Variants in NRG2 observed in about 807,000 individuals in gnomAD.
The protein encoded by NRG2 is pro-neuregulin-2, membrane-bound isoform.
NRG2 carries 27 observed loss-of-function variants against 73.9 expected under a neutral mutation model. That is an observed-to-expected ratio of 0.37 (90% CI 0.27 to 0.50). The LOEUF (loss-of-function observed/expected upper bound fraction) is 0.50, where lower values mean the gene tolerates loss of function less well. Among genes scored for constraint, NRG2 ranks in the 20% least tolerant of loss-of-function variants. The probability of loss-of-function intolerance (pLI) is 0.96; values close to 1 mark genes in which losing one functional copy is unlikely to be tolerated. For missense variants in NRG2, 1,126 were observed against 1,210.1 expected (o/e 0.93, Z 1.03); for synonymous variants, 532 against 541.0 (o/e 0.98, Z 0.23).
intron 1 of NRG2, among the ~76,000 whole-genome samples, chr5:139,960,535 A>AT (rs1197233468): frequency 2.0e-5 from 3 of 152,144 alleles, no homozygotes; most frequent in African/African-American, 7.2e-5. Context: ...AACAAAAAAA[A>AT]TTATGGCATC....
chr5:139,921,252 T>C (rs942461082), intron 1 of NRG2, among the ~76,000 whole-genome samples: 1 of 152,244 alleles, frequency 6.6e-6, no homozygotes, highest in Non-Finnish European at 1.5e-5. Context: ...ATAAACGTAT[T>C]CTAAAGTTTA....
intron 1 of NRG2, among the ~76,000 whole-genome samples, chr5:139,936,099 G>A (rs2126398033): frequency 6.6e-6 from 1 of 151,974 alleles, no homozygotes; most frequent in East Asian, 1.9e-4. Flanking sequence ...TTCAATCAGT[G>A]AAATAAGCTC....
intron 1 of NRG2, among the ~76,000 whole-genome samples, chr5:139,929,934 T>A (rs1460268731): frequency 1.3e-5 from 2 of 152,150 alleles, no homozygotes; most frequent in Non-Finnish European, 2.9e-5. Context: ...TAGGATAGCA[T>A]CCCCCAAAGT....
intron 1 of NRG2, among the ~76,000 whole-genome samples, chr5:139,913,267 G>T (rs936895182): frequency 1.6e-4 from 25 of 152,136 alleles, no homozygotes; most frequent in South Asian, 2.1e-4. Flanking sequence ...ACTCACCCCT[G>T]TATCCGTTTC....
At chr5:139,966,787 C>A (rs565346621) in intron 1 of NRG2, among the ~76,000 whole-genome samples, 2 of 152,148 alleles carry the variant, frequency 1.3e-5, no homozygotes, top group Admixed American at 1.3e-4. Context: ...TGATGGGCTA[C>A]AAACAGAAAG....
chr5:139,915,150 C>G lies in NRG2; in HGVS notation c.701-27639G>C, dbSNP rs1751155158. On this transcript the variant is annotated intron_variant, in intron 1 of 9. Coordinates refer to ENST00000361474, the MANE Select transcript of NRG2 (RefSeq NM_004883.3). The surrounding 1 kb of genome is among the most constrained non-coding windows in gnomAD (Gnocchi z 4.0). ...TCCCATTAAGCTTCTTTCAGACAAA[C>G]CGGCTTAATGTAATTACGGAAATGG... Among the ~76,000 whole-genome samples, 1 of 152,204 alleles carries G rather than the reference C, an allele frequency of 6.6e-6. No homozygotes were observed. Among genetic ancestry groups the G allele is most frequent in the African/African-American group, 2.4e-5 (1 of 41,446 alleles).
chr5:139,874,565 T>C (rs1763056880), intron 3 of NRG2, among the ~76,000 whole-genome samples: 1 of 152,236 alleles, frequency 6.6e-6, no homozygotes, highest in Admixed American at 6.5e-5. Flanking sequence ...ATTGTCTCTT[T>C]CTTTGATGGC....
At chr5:139,888,771 C>T (rs370856571) in intron 1 of NRG2, among the ~76,000 whole-genome samples, 2 of 151,868 alleles carry the variant, frequency 1.3e-5, no homozygotes, top group Admixed American at 6.6e-5. Context: ...CAATGATTCT[C>T]GTAAAATAAT....
chr5:139,871,794 C>T lies in NRG2; in HGVS notation c.1039G>A (p.Glu347Lys), dbSNP rs762781144. The T allele has an allele frequency of 1.1e-5, 17 of 1,614,026 alleles. No homozygotes were observed. The highest frequency in any genetic ancestry group is 2.7e-5 in the African/African-American group (2 of 74,930). Reference sequence around the variant, plus strand: ...TTGACGCAATAGGACTTGGCTGTCTCGTTGCACTTCCGGGCGTGCCCCGAC... The same window carrying T: ...TTGACGCAATAGGACTTGGCTGTCTTGTTGCACTTCCGGGCGTGCCCCGAC... The part of the protein sequence containing the change: ...SWSGHARKCN[E>K]TAKSYCVNGG... The change falls in exon 4 of 10, where the codon GAG (glutamate) becomes AAG (lysine). Residue 347 changes from glutamate (E) to lysine (K), a missense_variant. Glu to Lys is a moderately conservative substitution (Grantham distance 56). This residue lies in a region of NRG2 where 539 missense variants were observed against 703.2 expected (regional missense o/e 0.77). Coordinates refer to ENST00000361474, the MANE Select transcript of NRG2 (RefSeq NM_004883.3).
intron 1 of NRG2, among the ~76,000 whole-genome samples, chr5:139,917,121 G>T (rs1276649385): frequency 6.6e-6 from 1 of 152,172 alleles, no homozygotes; most frequent in African/African-American, 2.4e-5. Context: ...CAATGGATGT[G>T]AAATGGTATC....
intron 3 of NRG2, among the ~76,000 whole-genome samples, chr5:139,872,578 G>A (rs1442169765): frequency 6.6e-6 from 1 of 152,116 alleles, no homozygotes; most frequent in Non-Finnish European, 1.5e-5. Flanking sequence ...GGAGCCTCCA[G>A]GTCTCGGACA....
Position 139,873,876 on chromosome 5 carries a change from A to G in NRG2, c.992-2035T>C, listed in dbSNP as rs144989706. Among the ~76,000 whole-genome samples, 564 of 152,362 alleles carry G rather than the reference A, an allele frequency of 3.7e-3. 7 individuals carry two copies. Among genetic ancestry groups the G allele is most frequent in the African/African-American group, 0.013 (545 of 41,590 alleles). ...ATCGAGGCTTTGGGAGGCTAAGGAC[A>G]ACTCCTGAGGAAAGATGGGGCCTCC... On this transcript the variant is annotated intron_variant, in intron 3 of 9. Transcript: ENST00000361474.
rs946531358 is a variant in NRG2, at chr5:139,904,037, C to A, written c.701-16526G>T. On this transcript the variant is annotated intron_variant, in intron 1 of 9. Transcript: ENST00000361474. The surrounding 1 kb of genome is among the most constrained non-coding windows in gnomAD (Gnocchi z 6.0). ...GGGCTGCTCGCCTGCAGGCCGGTACCGGCGTGCAGCGCCTCTTGCCCGCCC... is the reference window on the plus strand; with the variant it reads ...GGGCTGCTCGCCTGCAGGCCGGTACAGGCGTGCAGCGCCTCTTGCCCGCCC... Among the ~76,000 whole-genome samples, 3 of 152,310 alleles carry A rather than the reference C, an allele frequency of 2.0e-5. No individual in the cohort carries two copies. Among genetic ancestry groups the A allele is most frequent in the Admixed American group, 1.3e-4 (2 of 15,310 alleles).
At chr5:139,861,893 A>G (rs1762169516) in intron 5 of NRG2, 1 of 444,004 alleles carries the variant, frequency 2.3e-6, no homozygotes, top group Non-Finnish European at 4.6e-6. Flanking sequence ...TGACCACAAC[A>G]CCTGGGACGC....
At position 139,887,015 on chromosome 5, in the gene NRG2, T is replaced by C. The variant is rs1192829409; in HGVS notation, c.872+325A>G. On this transcript the variant is annotated intron_variant, in intron 2 of 9. Transcript: ENST00000361474. This position sits in a 1 kb window ranked among gnomAD's most constrained non-coding sequence, Gnocchi z 4.5. ...TGGGGCTTTCAGACGCTACAGCAGG[T>C]TTTTCAAGAAGTTTTAGAGATGAGC... Among the ~76,000 whole-genome samples, 1 of 152,036 alleles carries C rather than the reference T, an allele frequency of 6.6e-6. No individual in the cohort carries two copies. The highest frequency in any genetic ancestry group is 2.4e-5 in the African/African-American group (1 of 41,370).
intron 1 of NRG2, among the ~76,000 whole-genome samples, chr5:140,028,924 T>C (rs193161960): frequency 5.9e-5 from 9 of 152,258 alleles, no homozygotes; most frequent in Admixed American, 5.9e-4. Flanking sequence ...CATGGTACTG[T>C]GAGGAAACCC....
chr5:139,881,349 G>A (rs1033491050), intron 2 of NRG2, among the ~76,000 whole-genome samples: 1 of 152,140 alleles, frequency 6.6e-6, no homozygotes, highest in African/African-American at 2.4e-5. Flanking sequence ...GCCTCTCCTG[G>A]GAAGTGGCAA....
At chr5:139,909,949 A>G (rs1765474966) in intron 1 of NRG2, among the ~76,000 whole-genome samples, 1 of 152,152 alleles carries the variant, frequency 6.6e-6, no homozygotes, top group Admixed American at 6.5e-5. Context: ...GTAAGCCGCA[A>G]TGGGTTTCTT....
chr5:140,043,158 A>G lies in NRG2; in HGVS notation c.-89T>C. 6.9e-7 allele frequency: 1 copy of G among 1,455,798 alleles called. No individual in the cohort carries two copies. The highest frequency in any genetic ancestry group is 9.2e-7 in the Non-Finnish European group (1 of 1,086,000). The allele number at this position is 1,455,798 out of a possible 1,614,324, so 90.2% of individuals were successfully genotyped here. A position where few individuals can be genotyped will look rare whatever the true frequency, so the allele number is the denominator to read the frequency against. On this transcript the variant is annotated 5_prime_UTR_variant, in exon 1 of 10. Transcript: ENST00000361474. The surrounding 1 kb of genome is among the most constrained non-coding windows in gnomAD (Gnocchi z 6.7). ...CCCGCTGGAAAACCGGAAACAGCGT[A>G]ACGTTAGCGCCTCTTAGCCCTCCAC...
Sources: gnomAD v4.1 joint callset for allele counts (sites outside exome capture counted in the v4.1 genomes callset) on GRCh38, gnomAD v4.1.1 for gene constraint, gnomAD v4.1.1 regional missense constraint, Gnocchi (gnomAD v3.1) non-coding constraint, MANE v1.5 for transcripts, NCBI Gene and HGNC (gene_info 2026-07-23, HGNC 2026-07-21) for gene names.